The following KCNJ3 variants were observed in gnomAD, a reference collection of about 807,000 sequenced individuals.
KCNJ3 encodes the protein G protein-activated inward rectifier potassium channel 1.
Under a neutral mutation model 39.2 loss-of-function variants are expected in KCNJ3, and 4 were observed. The observed-to-expected ratio is 0.10, with a 90% CI of 0.05 to 0.23. KCNJ3 has a LOEUF of 0.23. Among genes scored for constraint, KCNJ3 ranks in the 10% least tolerant of loss-of-function variants. KCNJ3 has a pLI of 1.00. For synonymous variants in KCNJ3, 230 were observed against 237.4 expected (o/e 0.97, Z 0.29); for missense variants, 276 against 634.9 (o/e 0.43, Z 6.08).
rs1687830342 is a variant in KCNJ3, at chr2:154,855,880, A to C, written c.*567A>C. On this transcript the variant is annotated 3_prime_UTR_variant, in exon 3 of 3. Coordinates refer to ENST00000295101, the MANE Select transcript of KCNJ3 (RefSeq NM_002239.4). ...GCATGTTTACTTTATTAGAGTAGGA[A>C]GGCTACTGGCATTAATTATTAATAC... 1.3e-5 allele frequency: 2 copies of C among 152,472 alleles called. No homozygotes were observed. The highest frequency in any genetic ancestry group is 2.9e-5 in the Non-Finnish European group (2 of 67,972). The allele number at this position is 152,472 out of a possible 1,614,324, so 9.4% of individuals were successfully genotyped here. A position where few individuals can be genotyped will look rare whatever the true frequency, so the allele number is the denominator to read the frequency against.
intron 1 of KCNJ3, among the ~76,000 whole-genome samples, chr2:154,704,872 C>T (rs1684974905): frequency 6.6e-6 from 1 of 152,030 alleles, no homozygotes; most frequent in Non-Finnish European, 1.5e-5. Flanking sequence ...TCAGCATGCA[C>T]ACACACACAT....
At chr2:154,841,710 G>GA (rs1687580256) in intron 2 of KCNJ3, among the ~76,000 whole-genome samples, 1 of 151,964 alleles carries the variant, frequency 6.6e-6, no homozygotes, top group East Asian at 1.9e-4. Context: ...AGATTTTCTA[G>GA]TTTTTTTGCA....
intron 1 of KCNJ3, among the ~76,000 whole-genome samples, chr2:154,701,332 A>G (rs964767576): frequency 2.0e-5 from 3 of 152,164 alleles, no homozygotes; most frequent in Non-Finnish European, 4.4e-5. Flanking sequence ...AAGGTTATTT[A>G]TAGACATTCT....
At chr2:154,771,503 G>A (rs1686241431) in intron 2 of KCNJ3, among the ~76,000 whole-genome samples, 2 of 152,184 alleles carry the variant, frequency 1.3e-5, no homozygotes, top group Admixed American at 1.3e-4. Flanking sequence ...CAGGAATCTA[G>A]AAGAAAGTTT....
At chr2:154,834,750 A>T (rs2971901) in intron 2 of KCNJ3, among the ~76,000 whole-genome samples, 2 of 151,530 alleles carry the variant, frequency 1.3e-5, no homozygotes, top group South Asian at 4.2e-4. Context: ...AAATAAAATA[A>T]AAAATAGAAT....
chr2:154,811,482 T>TG (rs1371225138), intron 2 of KCNJ3, among the ~76,000 whole-genome samples: 1 of 152,082 alleles, frequency 6.6e-6, no homozygotes, highest in Non-Finnish European at 1.5e-5. Context: ...TTAGTAGAGT[T>TG]GGGGTTTCAC....
rs1479715610 is a variant in KCNJ3 at position 154,764,946 on chromosome 2, C to T, written c.919+55127C>T. 3.3e-5 allele frequency among the ~76,000 whole-genome samples: 5 copies of T among 152,286 alleles called. No individual in the cohort carries two copies. In the South Asian group the frequency reaches 1.0e-3, roughly 32 times the overall value. ...GAAATGGCCATTGATGCTCTCCACC[C>T]CCCAAACATACACCCACATACACAC... On this transcript the variant is annotated intron_variant, in intron 2 of 2. Coordinates refer to ENST00000295101, the MANE Select transcript of KCNJ3 (RefSeq NM_002239.4).
At chr2:154,790,079 C>T (rs1010104864) in intron 2 of KCNJ3, among the ~76,000 whole-genome samples, 4 of 152,026 alleles carry the variant, frequency 2.6e-5, no homozygotes, top group African/African-American at 9.7e-5. Flanking sequence ...ATGCCACTGA[C>T]ATTGGGGGGC....
At chr2:154,782,171 C>A (rs908132628) in intron 2 of KCNJ3, among the ~76,000 whole-genome samples, 1 of 152,040 alleles carries the variant, frequency 6.6e-6, no homozygotes, top group East Asian at 1.9e-4. Context: ...CATTGTAATG[C>A]GTCAGAAGAA....
rs1027577986 is a variant in KCNJ3, at chr2:154,746,609, G to A, written c.919+36790G>A. Among the ~76,000 whole-genome samples, 5 of 143,386 alleles carry A rather than the reference G, an allele frequency of 3.5e-5. No individual in the cohort carries two copies. In the East Asian group the frequency reaches 1.0e-3, roughly 29 times the overall value. The allele number at this position is 143,386 out of a possible 152,430, so 94.1% of individuals were successfully genotyped here. A position where few individuals can be genotyped will look rare whatever the true frequency, so the allele number is the denominator to read the frequency against. On this transcript the variant is annotated intron_variant, in intron 2 of 2. Coordinates refer to ENST00000295101, the MANE Select transcript of KCNJ3 (RefSeq NM_002239.4). ...CTGTATGTGTGTGTGCGTATACACA[G>A]ATATATATATATATATATATATGTA...
At chr2:154,849,601 A>T (rs925250852) in intron 2 of KCNJ3, among the ~76,000 whole-genome samples, 1 of 152,196 alleles carries the variant, frequency 6.6e-6, no homozygotes, top group Non-Finnish European at 1.5e-5. Context: ...CAGCATTCAG[A>T]CATTTCCCTT....
At position 154,804,231 on chromosome 2, in the gene KCNJ3, C is replaced by T. The variant is rs565082128; in HGVS notation, c.920-50496C>T. Among the ~76,000 whole-genome samples the T allele has an allele frequency of 2.0e-5, 3 of 152,078 alleles. No homozygotes were observed. In the East Asian group the frequency reaches 5.8e-4, roughly 29 times the overall value. On this transcript the variant is annotated intron_variant, in intron 2 of 2. Coordinates refer to ENST00000295101, the MANE Select transcript of KCNJ3 (RefSeq NM_002239.4). ...CAACCTGCGATACATAGGACATCCC[C>T]GATGAATGTTGGTAAATGTTGAATC... is the stretch of plus-strand genomic sequence containing the variant.
intron 2 of KCNJ3, among the ~76,000 whole-genome samples, chr2:154,844,119 T>C (rs1468388838): frequency 6.6e-6 from 1 of 152,206 alleles, no homozygotes; most frequent in African/African-American, 2.4e-5. Context: ...GAGCTACAGA[T>C]GGGGTTTTGG....
At chr2:154,794,816 C>T (rs1248651013) in intron 2 of KCNJ3, among the ~76,000 whole-genome samples, 1 of 151,936 alleles carries the variant, frequency 6.6e-6, no homozygotes, top group African/African-American at 2.4e-5. Flanking sequence ...GATGTTTGTG[C>T]ACAATGCTGA....
chr2:154,856,122 T>C lies in KCNJ3; in HGVS notation c.*809T>C, dbSNP rs1230663114. The C allele has an allele frequency of 6.6e-6, 1 of 152,580 alleles. No homozygotes were observed. The highest frequency in any genetic ancestry group is 1.5e-5 in the Non-Finnish European group (1 of 68,006). The allele number at this position is 152,580 out of a possible 1,614,324, so 9.5% of individuals were successfully genotyped here. On this transcript the variant is annotated 3_prime_UTR_variant, in exon 3 of 3. Transcript: ENST00000295101. ...TAGCATTGAACATTTCTTATGATTT[T>C]TAAAAGTTGCTAGTACTGGGGAGAA...
At chr2:154,844,938 C>T (rs1006571160) in intron 2 of KCNJ3, among the ~76,000 whole-genome samples, 8 of 152,126 alleles carry the variant, frequency 5.3e-5, no homozygotes, top group African/African-American at 9.7e-5. Context: ...TGCTTCAGCT[C>T]GCCCTCTGTG....
At chr2:154,837,832 TCA>T (rs1687497483) in intron 2 of KCNJ3, among the ~76,000 whole-genome samples, 1 of 152,224 alleles carries the variant, frequency 6.6e-6, no homozygotes, top group Non-Finnish European at 1.5e-5. Context: ...TGTAGTTTTC[TCA>T]CATTGCGGAT....
At chr2:154,814,806 A>G (rs1445650) in intron 2 of KCNJ3, among the ~76,000 whole-genome samples, 114,736 of 152,114 alleles carry the variant, frequency 0.75, 44,109 homozygotes, top group East Asian at 0.95. Flanking sequence ...AAAATTTGTA[A>G]TCAATGACTT....
chr2:154,852,431 C>A (rs1687772260), intron 2 of KCNJ3, among the ~76,000 whole-genome samples: 1 of 151,990 alleles, frequency 6.6e-6, no homozygotes, highest in Non-Finnish European at 1.5e-5. Flanking sequence ...GATTGTAAGG[C>A]AGTATTATCA....
Sources: gnomAD v4.1 joint callset for allele counts (sites outside exome capture counted in the v4.1 genomes callset) on GRCh38, gnomAD v4.1.1 for gene constraint, MANE v1.5 for transcripts, NCBI Gene and HGNC (gene_info 2026-07-23, HGNC 2026-07-21) for gene names.